The following PSIP1 variants were observed in gnomAD, a reference collection of about 807,000 sequenced individuals.
PSIP1 encodes PC4 and SRSF1 interacting protein 1, also known as PC4 and SFRS1-interacting protein.
A neutral mutation model predicts 74.7 loss-of-function variants in PSIP1; 19 were observed. That is an observed-to-expected ratio of 0.25 (90% CI 0.18 to 0.37). The LOEUF is 0.37. PSIP1 is among the 10% of genes least tolerant of loss of function. The pLI is 1.00. For missense variants in PSIP1, 601 were observed against 614.3 expected, an observed-to-expected ratio of 0.98 and a Z score of 0.23; for synonymous variants, 222 against 195.3, an observed-to-expected ratio of 1.14 and a Z score of -1.14.
intron 14 of PSIP1, among the ~76,000 whole-genome samples, chr9:15,467,063 A>T (rs2035668909): frequency 6.6e-6 from 1 of 152,122 alleles, no homozygotes. Flanking sequence ...AGGGGAGCAG[A>T]TGACCACCAG....
chr9:15,465,442 TA>T lies in PSIP1; in HGVS notation c.*77del, dbSNP rs2035551836. On this transcript the variant is annotated 3_prime_UTR_variant, in exon 16 of 16. Coordinates refer to ENST00000380733, the MANE Select transcript of PSIP1 (RefSeq NM_033222.5). ...CATCAAACCTATGCTTATAAAAATT[TA>T]AAACTTTCAGCAGTCTATTTCAAAT... 7.8e-7 allele frequency: 1 copy of T among 1,287,944 alleles called. No homozygotes were observed. Among genetic ancestry groups the T allele is most frequent in the Non-Finnish European group, 1.1e-6 (1 of 916,898 alleles). The allele number at this position is 1,287,944 out of a possible 1,614,324, so 79.8% of individuals were successfully genotyped here. A position where few individuals can be genotyped will look rare whatever the true frequency, so the allele number is the denominator to read the frequency against.
intron 14 of PSIP1, among the ~76,000 whole-genome samples, chr9:15,467,568 A>G (rs1388529731): frequency 2.6e-5 from 4 of 152,228 alleles, no homozygotes; most frequent in Non-Finnish European, 5.9e-5. Context: ...TCGTAAAACA[A>G]CTTTCAAGAG....
chr9:15,503,452 T>C (rs1416668088), intron 3 of PSIP1, among the ~76,000 whole-genome samples: 1 of 152,026 alleles, frequency 6.6e-6, no homozygotes, highest in African/African-American at 2.4e-5. Flanking sequence ...AAACCAGGCG[T>C]TGGAGACCAG....
chr9:15,491,776 T>G (rs111911891), intron 3 of PSIP1, among the ~76,000 whole-genome samples: 5,536 of 152,258 alleles, frequency 0.036, 317 homozygotes, highest in African/African-American at 0.12. Flanking sequence ...AAAAGAAGTT[T>G]AATTGACTCA....
intron 14 of PSIP1, among the ~76,000 whole-genome samples, chr9:15,467,619 CAT>C (rs1267494211): frequency 6.6e-6 from 1 of 152,166 alleles, no homozygotes; most frequent in Non-Finnish European, 1.5e-5. Flanking sequence ...GCACAATGAT[CAT>C]AAACTGAACT....
At chr9:15,502,703 G>A (rs897711906) in intron 3 of PSIP1, among the ~76,000 whole-genome samples, 1 of 152,204 alleles carries the variant, frequency 6.6e-6, no homozygotes, top group African/African-American at 2.4e-5. Context: ...TAGAAAGGAA[G>A]GGGAAAGACT....
intron 3 of PSIP1, among the ~76,000 whole-genome samples, chr9:15,498,759 A>C (rs2037199539): frequency 6.6e-6 from 1 of 152,162 alleles, no homozygotes; most frequent in Non-Finnish European, 1.5e-5. Flanking sequence ...AAATACATCA[A>C]AATGTTAACA....
At chr9:15,508,087 G>A (rs2037682239) in intron 2 of PSIP1, among the ~76,000 whole-genome samples, 1 of 152,172 alleles carries the variant, frequency 6.6e-6, no homozygotes, top group South Asian at 2.1e-4. Context: ...CAAATGCCGG[G>A]CAAAATTTAA....
chr9:15,489,725 T>A (rs1241574080), intron 4 of PSIP1, among the ~76,000 whole-genome samples: 1 of 151,990 alleles, frequency 6.6e-6, no homozygotes, highest in Admixed American at 6.5e-5. Flanking sequence ...CAGCTTTATA[T>A]TCAATGACGT....
At chr9:15,469,917 T>C (rs1359611229) in intron 11 of PSIP1, 21 bp downstream of exon 11, 1 of 1,590,364 alleles carries the variant, frequency 6.3e-7, no homozygotes, top group African/African-American at 1.3e-5. Flanking sequence ...TTTATGTATC[T>C]TAGAAAGTGA....
intron 3 of PSIP1, 63 bp downstream of exon 3, chr9:15,506,498 G>A (rs565548804): frequency 2.1e-4 from 242 of 1,168,168 alleles, no homozygotes; most frequent in Non-Finnish European, 2.7e-4. Context: ...TTGAATTAAT[G>A]TCTACTGCCT....
At chr9:15,477,753 G>A (rs1311063533) in intron 8 of PSIP1, among the ~76,000 whole-genome samples, 1 of 152,022 alleles carries the variant, frequency 6.6e-6, no homozygotes, top group Non-Finnish European at 1.5e-5. Context: ...TAACTGAATA[G>A]TTATTCTGAA....
At chr9:15,470,807 T>C in intron 10 of PSIP1, 8 of 1,023,172 alleles carry the variant, frequency 7.8e-6, no homozygotes, top group Non-Finnish European at 9.4e-6. Context: ...ATAACTGCTA[T>C]TCCAGTTTAA....
Position 15,465,359 on chromosome 9 carries a change from G to A in PSIP1, c.*161C>T, listed in dbSNP as rs532612074. The stretch of plus-strand genomic sequence containing the variant: ...TTAATACTGCACAAGTACACTTAGC[G>A]ATAATGTTTACTTTACTTTAAAACA... On this transcript the variant is annotated 3_prime_UTR_variant, in exon 16 of 16. Transcript: ENST00000380733. The A allele has an allele frequency of 4.3e-5, 26 of 610,956 alleles. No individual in the cohort carries two copies. Among genetic ancestry groups the A allele is most frequent in the East Asian group, 2.0e-4 (7 of 34,760 alleles). The allele number at this position is 610,956 out of a possible 1,614,324, so 37.8% of individuals were successfully genotyped here.
chr9:15,465,398 C>A lies in PSIP1; in HGVS notation c.*122G>T. 1 of 833,824 alleles carries A rather than the reference C, an allele frequency of 1.2e-6. No homozygotes were observed. Among genetic ancestry groups the A allele is most frequent in the South Asian group, 1.7e-5 (1 of 59,836 alleles). 51.7% of individuals were successfully genotyped at this position (833,824 alleles called of 1,614,324 possible). A position where few individuals can be genotyped will look rare whatever the true frequency, so the allele number is the denominator to read the frequency against. ...TACTTTAAAACAAAGGGATTTTCTCCCTCAAAACAAGTTTTCAACATCAAA... is the reference window on the plus strand; with the variant it reads ...TACTTTAAAACAAAGGGATTTTCTCACTCAAAACAAGTTTTCAACATCAAA... On this transcript the variant is annotated 3_prime_UTR_variant, in exon 16 of 16. Coordinates refer to ENST00000380733, the MANE Select transcript of PSIP1 (RefSeq NM_033222.5).
At chr9:15,506,272 T>G (rs2037583746) in intron 3 of PSIP1, 1 of 267,618 alleles carries the variant, frequency 3.7e-6, no homozygotes, top group Non-Finnish European at 7.2e-6. Flanking sequence ...TATAGGAATA[T>G]CAGATCACTT....
intron 14 of PSIP1, among the ~76,000 whole-genome samples, chr9:15,468,033 T>C (rs1401560958): frequency 1.4e-5 from 2 of 147,644 alleles, no homozygotes; most frequent in African/African-American, 2.6e-5. Flanking sequence ...GGCAGGAGAA[T>C]CGCTTGAACC....
chr9:15,476,662 C>G (rs536541317), intron 8 of PSIP1, among the ~76,000 whole-genome samples: 134 of 152,180 alleles, frequency 8.8e-4, no homozygotes, highest in African/African-American at 3.1e-3. Flanking sequence ...TCACAAAAAC[C>G]TATAAACTCA....
At chr9:15,508,220 G>C (rs80080679) in intron 2 of PSIP1, among the ~76,000 whole-genome samples, 12 of 152,322 alleles carry the variant, frequency 7.9e-5, no homozygotes, top group African/African-American at 2.9e-4. Flanking sequence ...AACAAGAGGT[G>C]TCACCTTTAC....
Sources: allele counts gnomAD v4.1 joint callset (sites outside exome capture counted in the v4.1 genomes callset), GRCh38; gene constraint gnomAD v4.1.1; transcripts MANE v1.5; gene names NCBI Gene and HGNC (gene_info 2026-07-23, HGNC 2026-07-21).